The following LRRIQ3 variants were observed in gnomAD, a reference collection of about 807,000 sequenced individuals.
The protein encoded by LRRIQ3 is leucine rich repeats and IQ motif containing 3, also known as leucine-rich repeat and IQ domain-containing protein 3.
LRRIQ3 carries 75 observed loss-of-function variants against 59.3 expected under a neutral mutation model. The observed-to-expected ratio is 1.26, with a 90% CI of 1.05 to 1.53. LRRIQ3 has a LOEUF of 1.53. Ranked by LOEUF, LRRIQ3 falls within the 40% of genes most tolerant of loss-of-function variation. LRRIQ3 has a pLI of 0.00. For missense variants in LRRIQ3, 831 were observed against 710.0 expected (o/e 1.17, Z -1.94); for synonymous variants, 250 against 231.3 (o/e 1.08, Z -0.73).
At chr1:74,179,459 A>G (rs1437186295) in intron 3 of LRRIQ3, among the ~76,000 whole-genome samples, 3 of 152,034 alleles carry the variant, frequency 2.0e-5, no homozygotes, top group African/African-American at 7.2e-5. Flanking sequence ...TGAATGTAGA[A>G]TACCAATTAT....
chr1:74,127,280 C>A (rs1466023045), intron 4 of LRRIQ3, among the ~76,000 whole-genome samples: 1 of 151,736 alleles, frequency 6.6e-6, no homozygotes, highest in Non-Finnish European at 1.5e-5. Flanking sequence ...ATCATTGAGT[C>A]TTGTTTTTTC....
At chr1:74,043,911 C>A (rs1172169998) in intron 6 of LRRIQ3, among the ~76,000 whole-genome samples, 2 of 152,020 alleles carry the variant, frequency 1.3e-5, no homozygotes, top group African/African-American at 4.8e-5. Flanking sequence ...GCCTTTGCTT[C>A]TATTATTTTA....
chr1:74,114,158 C>G (rs1259862459), intron 4 of LRRIQ3, among the ~76,000 whole-genome samples: 1 of 151,698 alleles, frequency 6.6e-6, no homozygotes, highest in Non-Finnish European at 1.5e-5. Flanking sequence ...TAGCTCAAAT[C>G]CACAAAAATA....
At position 74,118,701 on chromosome 1, in the gene LRRIQ3, T is replaced by G. The variant is rs11807021; in HGVS notation, c.708-9148A>C. Among the ~76,000 whole-genome samples the G allele has an allele frequency of 4.5e-3, 685 of 152,014 alleles. 1 individual carries two copies. Among genetic ancestry groups the G allele is most frequent in the African/African-American group, 0.013 (521 of 41,468 alleles). On this transcript the variant is annotated intron_variant, in intron 4 of 7. Coordinates refer to ENST00000354431, the MANE Select transcript of LRRIQ3 (RefSeq NM_001105659.2). ...GAAAAAAAATATAGAGATATATATA[T>G]AGAGAGAGAGCAAGAGAGATTTATT...
chr1:74,174,544 G>C (rs1195421766), intron 3 of LRRIQ3, among the ~76,000 whole-genome samples: 1 of 95,372 alleles, frequency 1.0e-5, no homozygotes, highest in African/African-American at 3.4e-5. Flanking sequence ...CATCATGCCT[G>C]GCTATTTTTT....
At chr1:74,128,357 A>G (rs570972568) in intron 4 of LRRIQ3, among the ~76,000 whole-genome samples, 14 of 151,894 alleles carry the variant, frequency 9.2e-5, no homozygotes, top group Admixed American at 6.6e-5. Context: ...TCTTACTTCT[A>G]CTTCATTAAT....
rs1047992145 is a variant in LRRIQ3, at chr1:74,050,555, G to A, written c.998-8622C>T. On this transcript the variant is annotated intron_variant, in intron 6 of 7. Coordinates refer to ENST00000354431, the MANE Select transcript of LRRIQ3 (RefSeq NM_001105659.2). ...CTTGTTTGATTCTTCTGAACGTATT[G>A]CAGATTTATGAACCATCTGTGAAGA... The A allele has an allele frequency of 7.4e-5, 73 of 985,238 alleles. No individual in the cohort carries two copies. The Middle Eastern group carries it at 2.1e-3, about 28-fold the overall frequency. The allele number at this position is 985,238 out of a possible 1,614,324, so 61.0% of individuals were successfully genotyped here. A position where few individuals can be genotyped will look rare whatever the true frequency, so the allele number is the denominator to read the frequency against.
intron 3 of LRRIQ3, 46 bp downstream of exon 3, chr1:74,182,492 C>T: frequency 2.4e-6 from 3 of 1,254,762 alleles, no homozygotes; most frequent in Non-Finnish European, 3.1e-6. Context: ...CTAAAATTTC[C>T]CTTTTATACA....
At chr1:74,056,405 A>G (rs1654537984) in intron 6 of LRRIQ3, among the ~76,000 whole-genome samples, 1 of 152,062 alleles carries the variant, frequency 6.6e-6, no homozygotes, top group Non-Finnish European at 1.5e-5. Context: ...AGGGATCCAA[A>G]TTGGAATAGA....
intron 5 of LRRIQ3, among the ~76,000 whole-genome samples, chr1:74,086,428 T>A (rs1010734105): frequency 1.3e-5 from 2 of 152,254 alleles, no homozygotes; most frequent in Middle Eastern, 3.4e-3. Context: ...TTTCTTGCCA[T>A]GTGGACAATG....
intron 6 of LRRIQ3, among the ~76,000 whole-genome samples, chr1:74,074,301 GA>G (rs1387342160): frequency 6.6e-6 from 1 of 152,030 alleles, no homozygotes; most frequent in Non-Finnish European, 1.5e-5. Context: ...AATACATAGA[GA>G]AAAGTGCACA....
chr1:74,098,549 C>A lies in LRRIQ3; in HGVS notation c.867+10845G>T, dbSNP rs191471183. On this transcript the variant is annotated intron_variant, in intron 5 of 7. Transcript: ENST00000354431. Reference sequence around the variant, plus strand: ...GAATTGAACTCAGCTCTGCACCAAGCAGACCTAATAGACATCTACAGAACT... The same window carrying A: ...GAATTGAACTCAGCTCTGCACCAAGAAGACCTAATAGACATCTACAGAACT... Among the ~76,000 whole-genome samples, 1,308 of 152,224 alleles carry A rather than the reference C, an allele frequency of 8.6e-3. 11 individuals carry two copies. Among genetic ancestry groups the A allele is most frequent in the Admixed American group, 0.016 (250 of 15,282 alleles).
chr1:74,046,014 T>A (rs1385611488), intron 6 of LRRIQ3, among the ~76,000 whole-genome samples: 2 of 152,236 alleles, frequency 1.3e-5, no homozygotes, highest in African/African-American at 4.8e-5. Flanking sequence ...ATGAATGTCA[T>A]TAAAATGGCC....
In LRRIQ3 at chr1:74,155,798, A is replaced by G. The variant is rs1213082980; in HGVS notation, c.642T>C (p.Ala214=). 1 of 1,586,292 alleles carries G rather than the reference A, an allele frequency of 6.3e-7. No individual in the cohort carries two copies. The highest frequency in any genetic ancestry group is 8.6e-7 in the Non-Finnish European group (1 of 1,168,930). ...GAACAATCAAAACTGGTGAATTATG[A>G]GCCAGAATTGCATTAATTTTTGAAG... ...HITSKINAIL[A]HNSPVLIVQR... The change falls in exon 4 of 8, where the codon GCT becomes GCC. Residue 214 remains alanine (A), a synonymous_variant. Coordinates refer to ENST00000354431, the MANE Select transcript of LRRIQ3 (RefSeq NM_001105659.2).
chr1:74,038,473 G>A (rs774834993), intron 7 of LRRIQ3, among the ~76,000 whole-genome samples: 1 of 152,156 alleles, frequency 6.6e-6, no homozygotes, highest in Non-Finnish European at 1.5e-5. Flanking sequence ...AAAGTGCTTC[G>A]CTAAACAGGT....
chr1:74,116,381 TATTAACAGTTCTCTGA>T (rs991641952), intron 4 of LRRIQ3, among the ~76,000 whole-genome samples: 30 of 152,128 alleles, frequency 2.0e-4, no homozygotes, highest in African/African-American at 6.5e-4. Flanking sequence ...TATAAGGGTC[TATTAACAGTTCTCTGA>T]AATGACAACA....
intron 6 of LRRIQ3, among the ~76,000 whole-genome samples, chr1:74,071,158 C>G (rs1352351515): frequency 6.6e-6 from 1 of 151,460 alleles, no homozygotes; most frequent in Non-Finnish European, 1.5e-5. Context: ...TATCATCTAT[C>G]TATGTAGTTA....
At chr1:74,158,777 C>A (rs2100674583) in intron 3 of LRRIQ3, among the ~76,000 whole-genome samples, 1 of 152,252 alleles carries the variant, frequency 6.6e-6, no homozygotes, top group Admixed American at 6.5e-5. Context: ...GGATGCCTTT[C>A]TTGTTTGTTT....
intron 3 of LRRIQ3, among the ~76,000 whole-genome samples, chr1:74,172,545 T>C (rs1324941175): frequency 6.6e-6 from 1 of 152,176 alleles, no homozygotes. Flanking sequence ...GAAAGGAATG[T>C]ATATTATATT....
Sources: gnomAD v4.1 joint callset for allele counts (sites outside exome capture counted in the v4.1 genomes callset) on GRCh38, gnomAD v4.1.1 for gene constraint, MANE v1.5 for transcripts, NCBI Gene and HGNC (gene_info 2026-07-23, HGNC 2026-07-21) for gene names.